The following MYO1F variants were observed in gnomAD, a reference collection of about 807,000 sequenced individuals.
MYO1F encodes myosin IF.
In MYO1F, 60 loss-of-function variants were observed where a neutral mutation model predicts 146.6. The observed-to-expected ratio is 0.41, with a 90% CI of 0.33 to 0.51. The LOEUF (loss-of-function observed/expected upper bound fraction) is 0.51. MYO1F is among the 20% of genes least tolerant of loss of function. The pLI is 0.25. For synonymous variants in MYO1F, 602 were observed against 602.1 expected (o/e 1.00, Z 0.00); for missense variants, 1,274 against 1,534.3 (o/e 0.83, Z 2.83).
chr19:8,533,357 C>CTT (rs762061787), intron 19 of MYO1F, among the ~76,000 whole-genome samples: 6 of 115,202 alleles, frequency 5.2e-5, no homozygotes, highest in African/African-American at 2.1e-4. Flanking sequence ...TCTTCTTCTT[C>CTT]TTTTTTTTTT....
At chr19:8,545,250 G>C (rs1267853679) in intron 13 of MYO1F, among the ~76,000 whole-genome samples, 1 of 151,686 alleles carries the variant, frequency 6.6e-6, no homozygotes, top group Non-Finnish European at 1.5e-5. Flanking sequence ...ACCACGCCTG[G>C]CTAATTTTTT....
At chr19:8,543,938 GC>G in intron 14 of MYO1F, 1 of 289,252 alleles carries the variant, frequency 3.5e-6, no homozygotes, top group Non-Finnish European at 6.3e-6. Flanking sequence ...TGGTGGTGGT[GC>G]TGGTGGTGCT....
chr19:8,524,525 C>T (rs1972187374), intron 25 of MYO1F, among the ~76,000 whole-genome samples: 1 of 149,800 alleles, frequency 6.7e-6, no homozygotes, highest in Non-Finnish European at 1.5e-5. Context: ...GTGGATGTTG[C>T]AGTGAGCCAA....
intron 24 of MYO1F, among the ~76,000 whole-genome samples, chr19:8,525,800 C>T (rs1300080730): frequency 6.6e-6 from 1 of 152,234 alleles, no homozygotes; most frequent in Non-Finnish European, 1.5e-5. Flanking sequence ...TCCTTCATCA[C>T]TACCCAGTTC....
intron 24 of MYO1F, among the ~76,000 whole-genome samples, 182 bp downstream of exon 24, chr19:8,526,271 G>A (rs917438053): frequency 1.3e-5 from 2 of 152,202 alleles, no homozygotes; most frequent in Non-Finnish European, 2.9e-5. Context: ...AGGTTGCGGT[G>A]AGCCAAGATC....
chr19:8,524,146 C>T (rs113898159), intron 25 of MYO1F, among the ~76,000 whole-genome samples: 17,718 of 119,572 alleles, frequency 0.15, 1,259 homozygotes, highest in Non-Finnish European at 0.17. Context: ...AAAGGCCGGG[C>T]GCGGTGGCTC....
At chr19:8,558,428 A>G (rs928984668) in intron 1 of MYO1F, among the ~76,000 whole-genome samples, 1 of 151,992 alleles carries the variant, frequency 6.6e-6, no homozygotes, top group Non-Finnish European at 1.5e-5. Context: ...AGCCTCCCAA[A>G]GTGCTGGAAT....
chr19:8,525,637 C>T (rs1013374005), intron 24 of MYO1F, 75 bp from the exon 25 acceptor site: 1 of 1,309,342 alleles, frequency 7.6e-7, no homozygotes, highest in Non-Finnish European at 1.1e-6. Context: ...CTAGTCCATT[C>T]TGAGGCTCCG....
intron 12 of MYO1F, 50 bp downstream of exon 12, chr19:8,547,986 A>ACCCCCCCCCCCCCCCCCCAACC: frequency 1.2e-6 from 1 of 837,532 alleles, no homozygotes; most frequent in South Asian, 1.3e-5. Flanking sequence ...TGGTCCTTCC[A>ACCCCCCCCCCCCCCCCCCAACC]CCCCACCCCC....
chr19:8,545,432 T>G, intron 13 of MYO1F: 1 of 584,270 alleles, frequency 1.7e-6, no homozygotes, highest in South Asian at 1.8e-5. Flanking sequence ...CCCGGGGAAA[T>G]GTTTATTGAA....
In MYO1F at chr19:8,546,945, C is replaced by T. The variant is rs1200452607; in HGVS notation, c.1269+1091G>A. 2.4e-4 allele frequency among the ~76,000 whole-genome samples: 37 copies of T among 152,234 alleles called. 1 individual carries two copies. The highest frequency in any genetic ancestry group is 2.4e-3 in the Admixed American group (37 of 15,260). ...CCACCCACCTCAGCCTCCCAAAGTG[C>T]TGGGATTACAGGCGTGAGCCACTGC... On this transcript the variant is annotated intron_variant, in intron 12 of 27. Coordinates refer to ENST00000644032, the MANE Select transcript of MYO1F (RefSeq NM_012335.4).
In MYO1F at chr19:8,539,953, C is replaced by T. The variant is rs898202144; in HGVS notation, c.1686G>A (p.Lys562=). 6.2e-7 allele frequency: 1 copy of T among 1,612,664 alleles called. No homozygotes were observed. Among genetic ancestry groups the T allele is most frequent in the African/African-American group, 1.3e-5 (1 of 74,880 alleles). The change falls in exon 16 of 28, where the codon AAG becomes AAA. Residue 562 remains lysine (K), a synonymous_variant. Coordinates refer to ENST00000644032, the MANE Select transcript of MYO1F (RefSeq NM_012335.4). ...KKGRPSTAGS[K]IKKQANDLVA... ...TTGTACACCCCAGGCCCACCTTGATCTTGGAGCCGGCGGTGCTGGGGCGCC... is the reference window on the plus strand; with the variant it reads ...TTGTACACCCCAGGCCCACCTTGATTTTGGAGCCGGCGGTGCTGGGGCGCC...
intron 5 of MYO1F, 28 bp downstream of exon 5, chr19:8,553,322 G>A: frequency 1.2e-6 from 2 of 1,612,968 alleles, no homozygotes; most frequent in Non-Finnish European, 1.7e-6. Context: ...GGGCGACCCA[G>A]CTTATCCTTC....
At chr19:8,534,629 A>G (rs192256753) in intron 19 of MYO1F, among the ~76,000 whole-genome samples, 40 of 135,772 alleles carry the variant, frequency 2.9e-4, no homozygotes, top group Admixed American at 6.0e-4. Context: ...TCATTTTACT[A>G]ATTTTTTTTT....
intron 19 of MYO1F, among the ~76,000 whole-genome samples, chr19:8,535,674 ATTCT>A (rs1413728857): frequency 2.0e-5 from 3 of 146,696 alleles, no homozygotes; most frequent in Non-Finnish European, 3.0e-5. Flanking sequence ...TCTCAATCAC[ATTCT>A]TTCTTTCTTT....
At chr19:8,554,095 G>A (rs1973742275) in intron 4 of MYO1F, among the ~76,000 whole-genome samples, 1 of 151,754 alleles carries the variant, frequency 6.6e-6, no homozygotes, top group Admixed American at 6.6e-5. Flanking sequence ...AGTAGCTGGG[G>A]ACTACAGGCG....
At chr19:8,554,624 G>C (rs760720398) in intron 3 of MYO1F, 30 bp downstream of exon 3, 1 of 1,612,426 alleles carries the variant, frequency 6.2e-7, no homozygotes, top group Non-Finnish European at 8.5e-7. Context: ...GAGTCTGGGG[G>C]CTGTGCCTCC....
chr19:8,532,889 GAAA>G (rs60096210), intron 19 of MYO1F, among the ~76,000 whole-genome samples: 9 of 113,746 alleles, frequency 7.9e-5, no homozygotes, highest in Non-Finnish European at 1.1e-4. Flanking sequence ...TCCTGTCTCA[GAAA>G]AAAAAAAAAA....
chr19:8,561,396 T>TCTTTCCTTCCTTCCTTTCTCCTCTCCCTC (rs1974105537), intron 1 of MYO1F, among the ~76,000 whole-genome samples: 1 of 107,518 alleles, frequency 9.3e-6, no homozygotes, highest in African/African-American at 4.1e-5. Flanking sequence ...CTTCTTTCCT[T>TCTTTCCTTCCTTCCTTTCTCCTCTCCCTC]CCTTCCTTTC....
Sources: allele counts gnomAD v4.1 joint callset (sites outside exome capture counted in the v4.1 genomes callset), GRCh38; gene constraint gnomAD v4.1.1; transcripts MANE v1.5; gene names NCBI Gene and HGNC (gene_info 2026-07-23, HGNC 2026-07-21).